The following GNAI1 variants were observed in gnomAD, a reference collection of about 807,000 sequenced individuals.
The protein encoded by GNAI1 is guanine nucleotide-binding protein G(i) subunit alpha-1.
Under a neutral mutation model 38.9 loss-of-function variants are expected in GNAI1, and 11 were observed. The observed-to-expected ratio is 0.28, with a 90% CI of 0.18 to 0.47. The LOEUF is 0.47. GNAI1 is among the 20% of genes least tolerant of loss of function. GNAI1 has a pLI of 0.99. For synonymous variants in GNAI1, 166 were observed against 145.1 expected (o/e 1.14, Z -1.04); for missense variants, 317 against 436.9 (o/e 0.73, Z 2.45).
intron 1 of GNAI1, among the ~76,000 whole-genome samples, chr7:80,149,471 T>C (rs1787687196): frequency 1.3e-5 from 2 of 152,146 alleles, no homozygotes. Flanking sequence ...GTGAAGCTGC[T>C]GTGTTTCACC....
rs114423503 is a variant in GNAI1, at chr7:80,193,879, T to G, written c.303+4648T>G. ...CACAACACCGGTTCTTCATCACAGA[T>G]AGCTTGAGAAGCACTTATTTAGAAT... is the stretch of plus-strand genomic sequence containing the variant. On this transcript the variant is annotated intron_variant, in intron 3 of 7. Coordinates refer to ENST00000649796, the MANE Select transcript of GNAI1 (RefSeq NM_002069.6). 4.4e-3 allele frequency among the ~76,000 whole-genome samples: 671 copies of G among 152,320 alleles called. 4 individuals carry two copies. Among genetic ancestry groups the G allele is most frequent in the African/African-American group, 0.014 (573 of 41,566 alleles).
At chr7:80,203,467 C>T (rs554591342) in intron 4 of GNAI1, among the ~76,000 whole-genome samples, 1 of 151,650 alleles carries the variant, frequency 6.6e-6, no homozygotes, top group Non-Finnish European at 1.5e-5. Context: ...ATAAAGTACA[C>T]ATTTAAAAAA....
rs969728790 is a variant in GNAI1 at position 80,222,290 on chromosome 7, A to C, written c.*4797A>C. ...ATTGTGTATAAGGTCAAATATTTCC[A>C]GCTTCTTTGATTTTACTGCCCGTCT... On this transcript the variant is annotated 3_prime_UTR_variant, in exon 8 of 8. Transcript: ENST00000649796. 2.0e-5 allele frequency among the ~76,000 whole-genome samples: 3 copies of C among 151,930 alleles called. No individual in the cohort carries two copies. Among genetic ancestry groups the C allele is most frequent in the Non-Finnish European group, 4.4e-5 (3 of 67,986 alleles).
chr7:80,175,610 T>C (rs1788171356), intron 1 of GNAI1, among the ~76,000 whole-genome samples: 1 of 151,614 alleles, frequency 6.6e-6, no homozygotes, highest in South Asian at 2.1e-4. Context: ...ATCCAGCAAG[T>C]CTGTCAACAC....
chr7:80,189,267 G>GT (rs1363031675), intron 3 of GNAI1, 36 bp downstream of exon 3: 2 of 1,577,080 alleles, frequency 1.3e-6, no homozygotes, highest in African/African-American at 2.7e-5. Flanking sequence ...GACCTGATGG[G>GT]TAAAAAGAAT....
chr7:80,205,269 T>A (rs550537777), intron 5 of GNAI1, among the ~76,000 whole-genome samples: 1 of 152,164 alleles, frequency 6.6e-6, no homozygotes, highest in Non-Finnish European at 1.5e-5. Context: ...AGTTGTAGAC[T>A]TACAGGGATT....
At chr7:80,193,668 T>C (rs897863603) in intron 3 of GNAI1, among the ~76,000 whole-genome samples, 1 of 152,296 alleles carries the variant, frequency 6.6e-6, no homozygotes, top group East Asian at 1.9e-4. Context: ...CTAGTGCCTG[T>C]CCACAAGAGT....
chr7:80,152,986 C>A (rs1460907812), intron 1 of GNAI1, among the ~76,000 whole-genome samples: 1 of 151,584 alleles, frequency 6.6e-6, no homozygotes, highest in African/African-American at 2.4e-5. Flanking sequence ...AATCTTTGAA[C>A]AGAGAGTTAA....
intron 1 of GNAI1, among the ~76,000 whole-genome samples, chr7:80,154,146 C>T (rs1431917336): frequency 6.6e-6 from 1 of 152,140 alleles, no homozygotes; most frequent in African/African-American, 2.4e-5. Context: ...TGGCCTCAAA[C>T]TCCTGTACTC....
At chr7:80,141,499 C>T (rs192437029) in intron 1 of GNAI1, among the ~76,000 whole-genome samples, 1 of 152,136 alleles carries the variant, frequency 6.6e-6, no homozygotes, top group Non-Finnish European at 1.5e-5. Context: ...TGAGCACTTT[C>T]AAAACTCCTT....
chr7:80,142,346 A>C (rs1335006941), intron 1 of GNAI1, among the ~76,000 whole-genome samples: 1 of 152,220 alleles, frequency 6.6e-6, no homozygotes, highest in Non-Finnish European at 1.5e-5. Flanking sequence ...AGTTTCTTAC[A>C]TGTCATATTG....
intron 7 of GNAI1, 59 bp from the exon 8 acceptor site, chr7:80,217,244 T>TTTCATATGTATGAAACAGA: frequency 1.8e-6 from 2 of 1,093,796 alleles, no homozygotes; most frequent in Admixed American, 2.5e-5. Flanking sequence ...CTGAATTCAG[T>TTTCATATGTATGAAACAGA]ATTTTAAGCA....
At position 80,193,943 on chromosome 7, in the gene GNAI1, CT is replaced by C. The variant is rs146952102; in HGVS notation, c.303+4714del. ...AGTGGGAAACCTCACCTTGAATTGA[CT>C]TAAATAAGTTTTCCCCCTAAGCCTC... On this transcript the variant is annotated intron_variant, in intron 3 of 7. Transcript: ENST00000649796. 3.9e-3 allele frequency among the ~76,000 whole-genome samples: 593 copies of C among 152,246 alleles called. 4 individuals carry two copies. The highest frequency in any genetic ancestry group is 0.014 in the African/African-American group (572 of 41,550).
chr7:80,157,481 A>G (rs2116117803), intron 1 of GNAI1, among the ~76,000 whole-genome samples: 1 of 152,288 alleles, frequency 6.6e-6, no homozygotes, highest in African/African-American at 2.4e-5. Flanking sequence ...TTTTTGGATA[A>G]TATGGTAAGA....
chr7:80,176,835 G>C (rs1788189274), intron 1 of GNAI1, among the ~76,000 whole-genome samples: 1 of 150,380 alleles, frequency 6.6e-6, no homozygotes, highest in African/African-American at 2.4e-5. Flanking sequence ...TACTCGGGAG[G>C]CTGAGGCAGG....
At chr7:80,213,629 T>A (rs1157382510) in intron 7 of GNAI1, among the ~76,000 whole-genome samples, 1 of 152,112 alleles carries the variant, frequency 6.6e-6, no homozygotes, top group African/African-American at 2.4e-5. Flanking sequence ...CAGAGCTAAT[T>A]ACTGCCCCCT....
intron 3 of GNAI1, among the ~76,000 whole-genome samples, chr7:80,196,222 T>C (rs10274692): frequency 0.011 from 1,663 of 152,140 alleles, 37 homozygotes; most frequent in African/African-American, 0.039. Context: ...AATCAACTTA[T>C]TTTTGTTTAG....
intron 1 of GNAI1, among the ~76,000 whole-genome samples, chr7:80,146,472 G>T (rs1038513885): frequency 2.0e-5 from 3 of 152,048 alleles, no homozygotes; most frequent in African/African-American, 4.8e-5. Context: ...AGGTTTTTGT[G>T]TTTTTTTCCC....
chr7:80,210,302 A>AT (rs1295453582), intron 5 of GNAI1, among the ~76,000 whole-genome samples: 1 of 151,984 alleles, frequency 6.6e-6, no homozygotes, highest in African/African-American at 2.4e-5. Flanking sequence ...TAAAAATTGA[A>AT]TTTTTTTCAT....
Sources: gnomAD v4.1 joint callset for allele counts (sites outside exome capture counted in the v4.1 genomes callset) on GRCh38, gnomAD v4.1.1 for gene constraint, MANE v1.5 for transcripts, NCBI Gene and HGNC (gene_info 2026-07-23, HGNC 2026-07-21) for gene names.